DHRSX: variants seen among roughly 807,000 people sequenced by gnomAD.
The protein encoded by DHRSX is dehydrogenase/reductase X-linked.
In DHRSX, 31 loss-of-function variants were observed where a neutral mutation model predicts 34.0. The observed-to-expected ratio is 0.91, with a 90% CI of 0.69 to 1.23. DHRSX has a LOEUF of 1.23. Among genes scored for constraint, DHRSX ranks in the 50% most tolerant of loss-of-function variants. The pLI, the probability that DHRSX is intolerant of heterozygous loss-of-function variation, is 0.00. For synonymous variants in DHRSX, 201 were observed against 183.8 expected (o/e 1.09, Z -0.76); for missense variants, 414 against 428.1 (o/e 0.97, Z 0.29).
intron 3 of DHRSX, among the ~76,000 whole-genome samples, chrX:2,321,998 G>A (rs2042317613): frequency 6.6e-6 from 1 of 151,990 alleles, no homozygotes; most frequent in Admixed American, 6.6e-5. Flanking sequence ...TTCCATAAGT[G>A]ATTGGGGTAC....
chrX:2,489,325 G>T, intron 1 of DHRSX: 1 of 1,613,938 alleles, frequency 6.2e-7, no homozygotes, highest in Non-Finnish European at 8.5e-7. Flanking sequence ...GAAACATGTC[G>T]ATCTCGGGCG....
At chrX:2,469,241 G>A (rs2044550241) in intron 1 of DHRSX, among the ~76,000 whole-genome samples, 1 of 146,540 alleles carries the variant, frequency 6.8e-6, no homozygotes, top group Non-Finnish European at 1.5e-5. Context: ...GGACCGCACT[G>A]AAGAAGTCCC....
intron 6 of DHRSX, among the ~76,000 whole-genome samples, chrX:2,240,838 G>T (rs1410096504): frequency 1.3e-5 from 2 of 152,114 alleles, no homozygotes; most frequent in African/African-American, 2.4e-5. Context: ...ACTTGAGATA[G>T]ATAGGAAAGA....
chrX:2,431,193 C>T (rs764226923), intron 1 of DHRSX, among the ~76,000 whole-genome samples: 16 of 151,942 alleles, frequency 1.1e-4, no homozygotes, highest in South Asian at 2.1e-4. Context: ...GGCGTGGTGG[C>T]GGGCGCCTGT....
At chrX:2,253,786 C>T (rs1248146825) in intron 5 of DHRSX, among the ~76,000 whole-genome samples, 3 of 152,146 alleles carry the variant, frequency 2.0e-5, no homozygotes, top group Admixed American at 6.5e-5. Flanking sequence ...TAAGACCGGG[C>T]GCGGTGGCTC....
intron 5 of DHRSX, among the ~76,000 whole-genome samples, chrX:2,249,449 C>T (rs1042994113): frequency 6.8e-6 from 1 of 148,062 alleles, no homozygotes; most frequent in Non-Finnish European, 1.5e-5. Context: ...CTGCCCACCT[C>T]GGCCTCCCAA....
At chrX:2,347,003 T>A (rs758037040) in intron 3 of DHRSX, among the ~76,000 whole-genome samples, 1 of 152,210 alleles carries the variant, frequency 6.6e-6, no homozygotes, top group Non-Finnish European at 1.5e-5. Context: ...GGCTGCATAG[T>A]ATTCCATGGT....
intron 1 of DHRSX, among the ~76,000 whole-genome samples, chrX:2,452,575 A>T (rs1357981821): frequency 6.6e-6 from 1 of 151,768 alleles, no homozygotes; most frequent in African/African-American, 2.4e-5. Flanking sequence ...TACACACTGA[A>T]GATGTTCCCT....
chrX:2,459,164 A>AT (rs1326287530), intron 1 of DHRSX, among the ~76,000 whole-genome samples: 3 of 152,108 alleles, frequency 2.0e-5, no homozygotes, highest in African/African-American at 7.2e-5. Flanking sequence ...TTAAAATTAA[A>AT]TTTTTTCAGT....
intron 3 of DHRSX, among the ~76,000 whole-genome samples, chrX:2,331,450 T>G (rs1286642367): frequency 2.2e-5 from 3 of 135,574 alleles, no homozygotes; most frequent in African/African-American, 7.8e-5. Flanking sequence ...TTTTTTTTTT[T>G]TTTTTTTTTT....
rs188225310 is a variant in DHRSX at position 2,243,581 on chromosome X, G to A, written c.597-351C>T. ...GGCTCACTGCAACCTCCACCTGCCC[G>A]GTTCAAGTGATTCTCCTACCTCAGC... On this transcript the variant is annotated intron_variant, in intron 5 of 6. Transcript: ENST00000334651. Among the ~76,000 whole-genome samples the A allele has an allele frequency of 1.6e-3, 239 of 151,832 alleles. 4 individuals are homozygous for A. The East Asian group carries it at 0.016, about 10-fold the overall frequency.
At chrX:2,289,070 C>G (rs1462388713) in intron 4 of DHRSX, among the ~76,000 whole-genome samples, 1 of 152,128 alleles carries the variant, frequency 6.6e-6, no homozygotes, top group Non-Finnish European at 1.5e-5. Flanking sequence ...TCTGCTCCCC[C>G]CAGAACACAG....
At chrX:2,249,298 T>C (rs1216671353) in intron 5 of DHRSX, among the ~76,000 whole-genome samples, 1 of 146,992 alleles carries the variant, frequency 6.8e-6, no homozygotes, top group Non-Finnish European at 1.5e-5. Flanking sequence ...GTTCACACCA[T>C]TCTCCTGCCT....
intron 1 of DHRSX, among the ~76,000 whole-genome samples, chrX:2,451,758 C>A (rs2044221261): frequency 6.6e-6 from 1 of 152,202 alleles, no homozygotes; most frequent in Admixed American, 6.5e-5. Context: ...AGGACACAGA[C>A]AGACACTGAC....
At chrX:2,333,715 T>C (rs753109725) in intron 3 of DHRSX, among the ~76,000 whole-genome samples, 1 of 152,118 alleles carries the variant, frequency 6.6e-6, no homozygotes, top group African/African-American at 2.4e-5. Flanking sequence ...GCCCGGCCAA[T>C]AGGCAGCTTT....
At chrX:2,241,133 G>A (rs916800791) in intron 6 of DHRSX, among the ~76,000 whole-genome samples, 9 of 151,460 alleles carry the variant, frequency 5.9e-5, no homozygotes, top group African/African-American at 9.7e-5. Flanking sequence ...GCAGCGAGCC[G>A]AGATCACACC....
rs34552645 is a variant in DHRSX, at chrX:2,451,233, T to TA, written c.110-25930dup. ...GGGCAATACAGCAAGACTCCATCTT[T>TA]AAAAAAAAAAAAAAAAAAGTTGCAT... On this transcript the variant is annotated intron_variant, in intron 1 of 6. Transcript: ENST00000334651. Among the ~76,000 whole-genome samples the TA allele has an allele frequency of 4.2e-3, 564 of 135,628 alleles. 2 individuals are homozygous for TA. Among genetic ancestry groups the TA allele is most frequent in the South Asian group, 0.031 (128 of 4,184 alleles). 89.0% of individuals were successfully genotyped at this position (135,628 alleles called of 152,430 possible).
At chrX:2,352,616 C>T (rs1423692585) in intron 3 of DHRSX, among the ~76,000 whole-genome samples, 1 of 152,260 alleles carries the variant, frequency 6.6e-6, no homozygotes, top group African/African-American at 2.4e-5. Context: ...TGTCTGCAGG[C>T]GTAGCTGCTG....
chrX:2,485,935 G>T (rs760880207), intron 1 of DHRSX, among the ~76,000 whole-genome samples: 38 of 151,264 alleles, frequency 2.5e-4, no homozygotes, highest in Middle Eastern at 3.4e-3. Context: ...AAGGAAGAAA[G>T]GAAGGATTTG....
Sources: gnomAD v4.1 joint callset for allele counts (sites outside exome capture counted in the v4.1 genomes callset) on GRCh38, gnomAD v4.1.1 for gene constraint, MANE v1.5 for transcripts, NCBI Gene and HGNC (gene_info 2026-07-23, HGNC 2026-07-21) for gene names.